DSTN: variants seen among roughly 807,000 people sequenced by gnomAD.
The protein encoded by DSTN is destrin.
DSTN carries 10 observed loss-of-function variants against 16.8 expected under a neutral mutation model. The observed-to-expected ratio is 0.60, with a 90% CI of 0.37 to 1.01. DSTN has a LOEUF of 1.01. Among genes scored for constraint, DSTN ranks in the 50% least tolerant of loss-of-function variants. The pLI, the probability that DSTN is intolerant of heterozygous loss-of-function variation, is 0.01. For synonymous variants in DSTN, 57 were observed against 58.9 expected, an observed-to-expected ratio of 0.97 and a Z score of 0.14; for missense variants, 141 against 196.7, an observed-to-expected ratio of 0.72 and a Z score of 1.69.
chr20:17,592,191 C>A, intron 1 of DSTN: 1 of 739,896 alleles, frequency 1.4e-6, no homozygotes, highest in Non-Finnish European at 1.7e-6. Flanking sequence ...TTTGGGAGGC[C>A]AAGGCAGGCA....
At chr20:17,589,385 A>AT (rs781434531) in intron 1 of DSTN, among the ~76,000 whole-genome samples, 6 of 151,878 alleles carry the variant, frequency 4.0e-5, no homozygotes, top group Admixed American at 6.6e-5. Flanking sequence ...TAATTTTTGT[A>AT]TTTTTAGTAG....
chr20:17,583,731 G>GTTTTTTTTTTT (rs74172899), intron 1 of DSTN, among the ~76,000 whole-genome samples: 8 of 28,012 alleles, frequency 2.9e-4, no homozygotes, highest in Admixed American at 5.9e-4. Flanking sequence ...TGGGTTTGGA[G>GTTTTTTTTTTT]TTTCTTTTTT....
chr20:17,593,860 C>T (rs73258684), intron 1 of DSTN, among the ~76,000 whole-genome samples: 14,069 of 152,046 alleles, frequency 0.093, 1,204 homozygotes, highest in African/African-American at 0.23. Context: ...AGGACAATAG[C>T]TTGAGGCCAG....
chr20:17,571,473 G>A (rs1461241579), intron 1 of DSTN, among the ~76,000 whole-genome samples: 1 of 152,212 alleles, frequency 6.6e-6, no homozygotes, highest in Non-Finnish European at 1.5e-5. Context: ...ATACTGTTCA[G>A]TTTTTGGTTC....
At chr20:17,573,064 A>T (rs1030836831) in intron 1 of DSTN, among the ~76,000 whole-genome samples, 1 of 152,224 alleles carries the variant, frequency 6.6e-6, no homozygotes. Flanking sequence ...GCAACAGGCC[A>T]GTTCTTTGCA....
At chr20:17,582,121 C>G (rs939578806) in intron 1 of DSTN, among the ~76,000 whole-genome samples, 1 of 148,160 alleles carries the variant, frequency 6.7e-6, no homozygotes, top group Non-Finnish European at 1.5e-5. Context: ...CCCTGTTGCC[C>G]AGGCTGGAGT....
chr20:17,574,321 ACT>A (rs1344349809), intron 1 of DSTN, among the ~76,000 whole-genome samples: 4 of 152,050 alleles, frequency 2.6e-5, no homozygotes, highest in Admixed American at 6.6e-5. Context: ...GAAGTTCAAT[ACT>A]CTCTGTTAAT....
chr20:17,583,705 G>A (rs2035371441), intron 1 of DSTN, among the ~76,000 whole-genome samples: 1 of 144,518 alleles, frequency 6.9e-6, no homozygotes, highest in Non-Finnish European at 1.5e-5. Flanking sequence ...GAGTGGGAAT[G>A]AGGAATGACT....
chr20:17,574,162 C>T (rs1398258121), intron 1 of DSTN, among the ~76,000 whole-genome samples: 2 of 152,196 alleles, frequency 1.3e-5, no homozygotes, highest in African/African-American at 2.4e-5. Flanking sequence ...TATGATTGTA[C>T]TACTGCACTC....
chr20:17,588,755 G>A (rs1328749653), intron 1 of DSTN, among the ~76,000 whole-genome samples: 1 of 152,202 alleles, frequency 6.6e-6, no homozygotes, highest in Non-Finnish European at 1.5e-5. Context: ...CTGCACTCCA[G>A]CCTGGGCAAC....
At position 17,607,405 on chromosome 20, in the gene DSTN, G is replaced by T. The variant is rs1342726532; in HGVS notation, c.*259G>T. Reference sequence around the variant, plus strand: ...TTATAAAGATTTTTGTTAAGCTCAGGATTTTAAATTACACAGTTCACAAAC... The same window carrying T: ...TTATAAAGATTTTTGTTAAGCTCAGTATTTTAAATTACACAGTTCACAAAC... On this transcript the variant is annotated 3_prime_UTR_variant, in exon 4 of 4. Transcript: ENST00000246069. 1 of 356,730 alleles carries T rather than the reference G, an allele frequency of 2.8e-6. No homozygotes were observed. The highest frequency in any genetic ancestry group is 5.0e-6 in the Non-Finnish European group (1 of 199,240). 22.1% of individuals were successfully genotyped at this position (356,730 alleles called of 1,614,324 possible).
rs919153781 is a variant in DSTN, at chr20:17,607,805, A to G, written c.*659A>G. 6.6e-6 allele frequency: 1 copy of G among 152,234 alleles called. No homozygotes were observed. The highest frequency in any genetic ancestry group is 2.4e-5 in the African/African-American group (1 of 41,438). The allele number at this position is 152,234 out of a possible 1,614,324, so 9.4% of individuals were successfully genotyped here. A position where few individuals can be genotyped will look rare whatever the true frequency, so the allele number is the denominator to read the frequency against. ...GGAAGAGTGACCTGGCATCTTGGAA[A>G]TCATTGTGTGTCTTCAGGAGAATGT... On this transcript the variant is annotated 3_prime_UTR_variant, in exon 4 of 4. Transcript: ENST00000246069.
In DSTN at chr20:17,583,615, A is replaced by T. The variant is rs571518202; in HGVS notation, c.3+13404A>T. On this transcript the variant is annotated intron_variant, in intron 1 of 3. Transcript: ENST00000246069. ...AAAAGATGACATATTGTGTGATTCC[A>T]TTTATACAAAATGTCCAGAATACAC... is the stretch of plus-strand genomic sequence containing the variant. Among the ~76,000 whole-genome samples, 426 of 126,128 alleles carry T rather than the reference A, an allele frequency of 3.4e-3. 2 individuals carry two copies. Among genetic ancestry groups the T allele is most frequent in the Non-Finnish European group, 5.2e-3 (326 of 62,682 alleles). The allele number at this position is 126,128 out of a possible 152,430, so 82.7% of individuals were successfully genotyped here.
At chr20:17,598,003 C>CTTG (rs3076292) in intron 1 of DSTN, among the ~76,000 whole-genome samples, 92,081 of 151,648 alleles carry the variant, frequency 0.61, 28,876 homozygotes, top group Middle Eastern at 0.73. Flanking sequence ...AAGGTTCATC[C>CTTG]TTGTAGCATG....
Position 17,609,241 on chromosome 20 carries a change from T to C in DSTN, c.*2095T>C, listed in dbSNP as rs1031587696. The C allele has an allele frequency of 6.6e-6, 1 of 152,176 alleles. No homozygotes were observed. Among genetic ancestry groups the C allele is most frequent in the African/African-American group, 2.4e-5 (1 of 41,428 alleles). 9.4% of individuals were successfully genotyped at this position (152,176 alleles called of 1,614,324 possible). A position where few individuals can be genotyped will look rare whatever the true frequency, so the allele number is the denominator to read the frequency against. The stretch of plus-strand genomic sequence containing the variant: ...TTTTTTGAGACAGGGTCTCACTCTT[T>C]CCCCCAGGCTAGAGTGCAGTGGTGC... On this transcript the variant is annotated 3_prime_UTR_variant, in exon 4 of 4. Transcript: ENST00000246069.
intron 1 of DSTN, among the ~76,000 whole-genome samples, chr20:17,574,116 A>T (rs1333514527): frequency 6.6e-6 from 1 of 152,174 alleles, no homozygotes; most frequent in African/African-American, 2.4e-5. Flanking sequence ...AGGTGGGAGT[A>T]TTGCTTGAGC....
chr20:17,604,943 G>A (rs1393732598), intron 3 of DSTN, among the ~76,000 whole-genome samples: 1 of 152,224 alleles, frequency 6.6e-6, no homozygotes, highest in Non-Finnish European at 1.5e-5. Flanking sequence ...GGTGGAGACT[G>A]ATTGTTTAAC....
At chr20:17,588,363 C>T (rs1216082131) in intron 1 of DSTN, among the ~76,000 whole-genome samples, 1 of 152,198 alleles carries the variant, frequency 6.6e-6, no homozygotes, top group Non-Finnish European at 1.5e-5. Context: ...TTCTGCCCCA[C>T]CTAAAATGTG....
chr20:17,575,297 A>G (rs1205619496), intron 1 of DSTN, among the ~76,000 whole-genome samples: 1 of 152,204 alleles, frequency 6.6e-6, no homozygotes, highest in Non-Finnish European at 1.5e-5. Context: ...GAAATTTGAA[A>G]AAAAACTTGC....
Sources: allele counts gnomAD v4.1 joint callset (sites outside exome capture counted in the v4.1 genomes callset), GRCh38; gene constraint gnomAD v4.1.1; transcripts MANE v1.5; gene names NCBI Gene and HGNC (gene_info 2026-07-23, HGNC 2026-07-21).